GET4: variants seen among roughly 807,000 people sequenced by gnomAD.
GET4 encodes Golgi to ER traffic protein 4 homolog.
GET4 carries 20 observed loss-of-function variants against 40.0 expected under a neutral mutation model. That is an observed-to-expected ratio of 0.50 (90% CI 0.35 to 0.73). The LOEUF is 0.73. Ranked by LOEUF, GET4 falls within the 30% of genes least tolerant of loss-of-function variation. The probability of loss-of-function intolerance (pLI) is 0.01; values close to 1 mark genes in which losing one functional copy is unlikely to be tolerated. For missense variants in GET4, 557 were observed against 454.0 expected, an observed-to-expected ratio of 1.23 and a Z score of -2.06; for synonymous variants, 280 against 194.6, an observed-to-expected ratio of 1.44 and a Z score of -3.65.
chr7:888,904 T>C (rs1223780001), intron 4 of GET4, among the ~76,000 whole-genome samples: 1 of 152,232 alleles, frequency 6.6e-6, no homozygotes, highest in Non-Finnish European at 1.5e-5. Flanking sequence ...GTCGTCTGTC[T>C]TTCGGATGAG....
intron 5 of GET4, 78 bp from the exon 6 acceptor site, chr7:892,200 C>G: frequency 1.4e-6 from 2 of 1,468,232 alleles, no homozygotes; most frequent in Admixed American, 1.8e-5. Context: ...TTGGGAAGGA[C>G]ATGTCGGAGG....
At position 895,335 on chromosome 7, in the gene GET4, G is replaced by A. The variant is rs751183408; in HGVS notation, c.897G>A (p.Gly299=). Residue 299 remains glycine, a splice_region_variant and synonymous_variant, in exon 9 of 9, where the codon GGG becomes GGA. Transcript: ENST00000265857. ...CTGCCACGGTGTTCTTCTTTCCAGG[G>A]AACCTTCTGACCAGCCTCATGGGCT... ...KQTSSYGGLL[G]NLLTSLMGSS... 1.3e-6 allele frequency: 2 copies of A among 1,539,096 alleles called. No individual in the cohort carries two copies. The highest frequency in any genetic ancestry group is 9.0e-7 in the Non-Finnish European group (1 of 1,117,158).
rs118023558 is a variant in GET4, at chr7:894,692, G to T, written c.896-642G>T. Among the ~76,000 whole-genome samples, 139 of 152,370 alleles carry T rather than the reference G, an allele frequency of 9.1e-4. 2 individuals are homozygous for T. The East Asian group carries it at 0.023, about 25-fold the overall frequency. Reference sequence around the variant, plus strand: ...CCCGTTCCACAGAAGCGCCGTCAGGGCGTGTCCTGAGATGGGGTGACGTCG... The same window carrying T: ...CCCGTTCCACAGAAGCGCCGTCAGGTCGTGTCCTGAGATGGGGTGACGTCG... On this transcript the variant is annotated intron_variant, in intron 8 of 8. Coordinates refer to ENST00000265857, the MANE Select transcript of GET4 (RefSeq NM_015949.3).
intron 1 of GET4, chr7:884,018 G>C (rs1844138212): frequency 8.7e-7 from 1 of 1,145,738 alleles, no homozygotes; most frequent in Admixed American, 4.0e-5. Context: ...CGGGGGCCGT[G>C]ACCATCGGCA....
In GET4 at chr7:890,915, C is replaced by CT. The variant is rs774395974; in HGVS notation, c.467-10dup. The CT allele has an allele frequency of 6.3e-7, 1 of 1,585,408 alleles. No individual in the cohort carries two copies. The highest frequency in any genetic ancestry group is 8.7e-7 in the Non-Finnish European group (1 of 1,154,276). On this transcript the variant is annotated splice_polypyrimidine_tract_variant and intron_variant, in intron 4 of 8. Coordinates refer to ENST00000265857, the MANE Select transcript of GET4 (RefSeq NM_015949.3). ...GTGAAATGTATTTACATTTTTCTGTCTTTCCTTTGCAGAACAAAACTATTG... is the reference window on the plus strand; with the variant it reads ...GTGAAATGTATTTACATTTTTCTGTCTTTTCCTTTGCAGAACAAAACTATTG...
chr7:888,815 A>G (rs1016738312), intron 4 of GET4, among the ~76,000 whole-genome samples: 3 of 152,256 alleles, frequency 2.0e-5, no homozygotes, highest in African/African-American at 7.2e-5. Flanking sequence ...TGTGTCCTGC[A>G]TAGCGAACTG....
intron 6 of GET4, among the ~76,000 whole-genome samples, chr7:893,022 G>T (rs76377899): frequency 0.04 from 6,042 of 149,350 alleles, 213 homozygotes; most frequent in East Asian, 0.16. Flanking sequence ...GCAGGTGAGG[G>T]GTGTAGGCGT....
Position 892,344 on chromosome 7 carries a change from G to C in GET4, c.672G>C (p.Pro224=). 6.3e-7 allele frequency: 1 copy of C among 1,596,448 alleles called. No homozygotes were observed. The highest frequency in any genetic ancestry group is 8.6e-7 in the Non-Finnish European group (1 of 1,165,128). The change falls in exon 6 of 9, where the codon CCG becomes CCC. Residue 224 remains proline (P), a synonymous_variant. Coordinates refer to ENST00000265857, the MANE Select transcript of GET4 (RefSeq NM_015949.3). ...TCACGACGTACACCCAGAAGCACCC[G>C]TCCATCGAGGACGGGCCTCCGTTTG... The part of the protein sequence containing the change: ...VVFTTYTQKH[P]SIEDGPPFVE...
At chr7:885,434 G>T (rs142430716) in intron 1 of GET4, 1,817 of 153,106 alleles carry the variant, frequency 0.012, 53 homozygotes, top group African/African-American at 0.042. Context: ...CCGTGCCTCT[G>T]TCCCCGTGCG....
chr7:892,131 C>G, intron 5 of GET4, 147 bp from the exon 6 acceptor site: 1 of 701,126 alleles, frequency 1.4e-6, no homozygotes, highest in Non-Finnish European at 2.5e-6. Flanking sequence ...AGGGAAGACA[C>G]GCGTGAAGCA....
At chr7:892,578 A>T in intron 6 of GET4, 160 bp downstream of exon 6, 1 of 668,184 alleles carries the variant, frequency 1.5e-6, no homozygotes, top group South Asian at 2.0e-5. Context: ...TAGACGTGGC[A>T]TAGGTGTGTG....
intron 4 of GET4, among the ~76,000 whole-genome samples, chr7:888,445 G>A (rs1461708787): frequency 2.6e-5 from 4 of 152,236 alleles, no homozygotes; most frequent in African/African-American, 7.2e-5. Context: ...AGGAGGCTCG[G>A]CGCCCTCAGG....
At chr7:894,529 C>T (rs953896392) in intron 8 of GET4, among the ~76,000 whole-genome samples, 2 of 152,190 alleles carry the variant, frequency 1.3e-5, no homozygotes, top group Admixed American at 6.5e-5. Flanking sequence ...CGTCCTGTGG[C>T]AGGCCCTGTC....
In GET4 at chr7:887,359, G is replaced by A. The variant is rs368356017; in HGVS notation, c.317-11G>A. ...GTGCGTTCCTCTGATGAGGGTCTGT[G>A]CTGTTTGCAGAAAATCTGGCTAAAG... On this transcript the variant is annotated splice_polypyrimidine_tract_variant and intron_variant, in intron 3 of 8. Coordinates refer to ENST00000265857, the MANE Select transcript of GET4 (RefSeq NM_015949.3). 5 of 1,576,692 alleles carry A rather than the reference G, an allele frequency of 3.2e-6. No individual in the cohort carries two copies. Among genetic ancestry groups the A allele is most frequent in the African/African-American group, 1.3e-5 (1 of 74,106 alleles).
chr7:892,162 G>C (rs1363394523), intron 5 of GET4, 116 bp from the exon 6 acceptor site: 1 of 1,032,390 alleles, frequency 9.7e-7, no homozygotes, highest in African/African-American at 1.6e-5. Context: ...CCATGGCCTT[G>C]GGCCGCAGGA....
chr7:886,889 G>A, intron 3 of GET4: 1 of 566,246 alleles, frequency 1.8e-6, no homozygotes, highest in Non-Finnish European at 3.2e-6. Flanking sequence ...GCATGACTGG[G>A]GCCCTGTCCT....
chr7:884,278 C>G, intron 1 of GET4: 1 of 1,304,068 alleles, frequency 7.7e-7, no homozygotes, highest in South Asian at 1.2e-5. Flanking sequence ...TTCCAGAGTG[C>G]CCTGTGCCAG....
chr7:876,820 G>C lies in GET4; in HGVS notation c.155+20G>C, dbSNP rs989735853. ...CTTCAGGTACCCGCGCCCGGCCCTC[G>C]CCGCAGCCCAGCGCCCGCCCCCGCC... On this transcript the variant is annotated intron_variant, in intron 1 of 8. Transcript: ENST00000265857. 3 of 1,155,980 alleles carry C rather than the reference G, an allele frequency of 2.6e-6. No individual in the cohort carries two copies. The highest frequency in any genetic ancestry group is 4.8e-5 in the Admixed American group (1 of 20,966). The allele number at this position is 1,155,980 out of a possible 1,614,324, so 71.6% of individuals were successfully genotyped here. A position where few individuals can be genotyped will look rare whatever the true frequency, so the allele number is the denominator to read the frequency against.
At chr7:881,281 G>A (rs192599849) in intron 1 of GET4, 1 of 152,340 alleles carries the variant, frequency 6.6e-6, no homozygotes, top group Non-Finnish European at 1.5e-5. Context: ...GACCAGTCAA[G>A]ACACAGAAGA....
Sources: allele counts gnomAD v4.1 joint callset (sites outside exome capture counted in the v4.1 genomes callset), GRCh38; gene constraint gnomAD v4.1.1; transcripts MANE v1.5; gene names NCBI Gene and HGNC (gene_info 2026-07-23, HGNC 2026-07-21).